Variants in MAX observed in about 807,000 individuals in gnomAD.
MAX encodes the protein protein max.
A neutral mutation model predicts 22.3 loss-of-function variants in MAX; 3 were observed. That is an observed-to-expected ratio of 0.13 (90% CI 0.06 to 0.35). The LOEUF is 0.35. Ranked by LOEUF, MAX falls within the 10% of genes least tolerant of loss-of-function variation. MAX has a pLI of 1.00. For synonymous variants in MAX, 72 were observed against 77.7 expected (o/e 0.93, Z 0.39); for missense variants, 119 against 209.4 (o/e 0.57, Z 2.66).
intron 3 of MAX, among the ~76,000 whole-genome samples, chr14:65,057,576 A>G (rs1252794359): frequency 6.6e-6 from 1 of 152,234 alleles, no homozygotes; most frequent in Non-Finnish European, 1.5e-5. Flanking sequence ...AGACAAAAGG[A>G]GGCACACATT....
rs2062856904 is a variant in MAX at position 65,061,101 on chromosome 14, G to A, written c.171+32607C>T. 16 of 1,564,068 alleles carry A rather than the reference G, an allele frequency of 1.0e-5. No homozygotes were observed. In the Admixed American group the frequency reaches 3.0e-4, roughly 29 times the overall value. On this transcript the variant is annotated intron_variant, in intron 3 of 3. Transcript: ENST00000341653. ...TTCCTTATACTAAATTCTTAGAAGT[G>A]CCTTTCATGGAGCAAAGGATGTGTT... is the stretch of plus-strand genomic sequence containing the variant.
At chr14:65,057,144 C>A (rs1209595799) in intron 3 of MAX, among the ~76,000 whole-genome samples, 1 of 152,230 alleles carries the variant, frequency 6.6e-6, no homozygotes, top group Non-Finnish European at 1.5e-5. Flanking sequence ...CAAACCCAAA[C>A]ACATTCCACA....
chr14:65,038,865 CCCTGACTACTTTTACTT>C (rs2062277315), intron 3 of MAX, among the ~76,000 whole-genome samples: 1 of 152,144 alleles, frequency 6.6e-6, no homozygotes, highest in African/African-American at 2.4e-5. Flanking sequence ...TAGTTTTCCT[CCCTGACTACTTTTACTT>C]CCTGACTACT....
At chr14:65,035,571 A>G (rs1339543593) in intron 3 of MAX, among the ~76,000 whole-genome samples, 2 of 151,784 alleles carry the variant, frequency 1.3e-5, no homozygotes, top group African/African-American at 4.8e-5. Flanking sequence ...GCTCTGTTGC[A>G]CGAGCTGGAG....
rs140769221 is a variant in MAX at position 65,031,922 on chromosome 14, A to G, written c.172-25638T>C. Among the ~76,000 whole-genome samples, 8 of 152,172 alleles carry G rather than the reference A, an allele frequency of 5.3e-5. No homozygotes were observed. The highest frequency in any genetic ancestry group is 1.7e-4 in the African/African-American group (7 of 41,538). Reference sequence around the variant, plus strand: ...GGCGACAGAGTGAGACCCTGTCTCAATAAAAACCAAAACAAAAGCAAAACA... The same window carrying G: ...GGCGACAGAGTGAGACCCTGTCTCAGTAAAAACCAAAACAAAAGCAAAACA... On this transcript the variant is annotated intron_variant, in intron 3 of 3. Transcript: ENST00000341653. This position sits in a 1 kb window ranked among gnomAD's most constrained non-coding sequence, Gnocchi z 4.6.
chr14:65,076,966 C>T lies in MAX; in HGVS notation c.296-303G>A. 1.8e-6 allele frequency: 1 copy of T among 557,198 alleles called. No homozygotes were observed. Among genetic ancestry groups the T allele is most frequent in the Non-Finnish European group, 3.2e-6 (1 of 311,434 alleles). The allele number at this position is 557,198 out of a possible 1,614,324, so 34.5% of individuals were successfully genotyped here. A position where few individuals can be genotyped will look rare whatever the true frequency, so the allele number is the denominator to read the frequency against. ...CGTGGAGAGACTGGAGCGTGAGCTC[C>T]CTGTGGGATTCAGCAGTGCAATAAC... On this transcript the variant is annotated intron_variant, in intron 4 of 4. Coordinates refer to ENST00000358664, the MANE Select transcript of MAX (RefSeq NM_002382.5). This position sits in a 1 kb window ranked among gnomAD's most constrained non-coding sequence, Gnocchi z 6.6.
rs1347560974 is a variant in MAX at position 65,012,137 on chromosome 14, G to T, written c.172-5853C>A. On this transcript the variant is annotated intron_variant, in intron 3 of 3. Coordinates refer to the MAX transcript ENST00000341653. This position sits in a 1 kb window ranked among gnomAD's most constrained non-coding sequence, Gnocchi z 5.0. ...ATGCTTTAGAGACATTCAGACAAGA[G>T]CTTCTTTTCTCTGGTTTAGTTGCTC... The T allele has an allele frequency of 3.2e-6, 2 of 631,466 alleles. No individual in the cohort carries two copies. Among genetic ancestry groups the T allele is most frequent in the South Asian group, 2.0e-5 (1 of 51,088 alleles). The allele number at this position is 631,466 out of a possible 1,614,324, so 39.1% of individuals were successfully genotyped here.
Position 65,102,437 on chromosome 14 carries a change from C to G in MAX, c.-98G>C. 6.4e-7 allele frequency: 1 copy of G among 1,551,840 alleles called. No individual in the cohort carries two copies. The highest frequency in any genetic ancestry group is 8.7e-7 in the Non-Finnish European group (1 of 1,150,680). On this transcript the variant is annotated 5_prime_UTR_variant, in exon 1 of 5. Coordinates refer to ENST00000358664, the MANE Select transcript of MAX (RefSeq NM_002382.5). ...CCGACAACAACAAGCCGAGTCCCCC[C>G]CACACACACACTCACTCACTCACTC...
At chr14:65,091,663 T>G (rs1248257760) in intron 3 of MAX, among the ~76,000 whole-genome samples, 1 of 152,228 alleles carries the variant, frequency 6.6e-6, no homozygotes, top group Non-Finnish European at 1.5e-5. Flanking sequence ...ACCAGACAGA[T>G]GCACTACTCT....
chr14:65,065,119 G>A (rs544432485), intron 3 of MAX, among the ~76,000 whole-genome samples: 11 of 136,332 alleles, frequency 8.1e-5, no homozygotes, highest in African/African-American at 3.5e-4. Flanking sequence ...AGAGAGAGAC[G>A]TCGTGGACAC....
chr14:65,032,788 A>G lies in MAX; in HGVS notation c.172-26504T>C. 8.1e-7 allele frequency: 1 copy of G among 1,240,866 alleles called. No homozygotes were observed. Among genetic ancestry groups the G allele is most frequent in the Non-Finnish European group, 1.1e-6 (1 of 906,648 alleles). 76.9% of individuals were successfully genotyped at this position (1,240,866 alleles called of 1,614,324 possible). A position where few individuals can be genotyped will look rare whatever the true frequency, so the allele number is the denominator to read the frequency against. On this transcript the variant is annotated intron_variant, in intron 3 of 3. Transcript: ENST00000341653. The surrounding 1 kb of genome is among the most constrained non-coding windows in gnomAD (Gnocchi z 5.0). ...ATAAAGAAAATGCAGAGGGACTTGG[A>G]AGGAAATACAAAAATCACAGGAGAT...
At chr14:65,092,659 G>T (rs1007690157) in intron 3 of MAX, among the ~76,000 whole-genome samples, 3 of 152,084 alleles carry the variant, frequency 2.0e-5, no homozygotes, top group Non-Finnish European at 4.4e-5. Context: ...CTTTATAAAG[G>T]TCAGAACTTC....
At chr14:65,042,023 G>T (rs1407012924) in intron 3 of MAX, among the ~76,000 whole-genome samples, 2 of 152,072 alleles carry the variant, frequency 1.3e-5, no homozygotes, top group African/African-American at 4.8e-5. Flanking sequence ...ATAAGGTAGG[G>T]ATAACAATCC....
At chr14:65,095,828 C>A (rs1397908602) in intron 2 of MAX, among the ~76,000 whole-genome samples, 13 of 152,192 alleles carry the variant, frequency 8.5e-5, no homozygotes, top group Admixed American at 7.2e-4. Flanking sequence ...AAATAAAATT[C>A]TAATTGTCTG....
chr14:65,091,381 T>C (rs1182835962), intron 3 of MAX, among the ~76,000 whole-genome samples: 1 of 152,328 alleles, frequency 6.6e-6, no homozygotes, highest in East Asian at 1.9e-4. Flanking sequence ...ATATTTGGAT[T>C]ATAACACAGG....
upstream of MAX, chr14:65,102,546 G>A (rs892933978): frequency 6.9e-7 from 1 of 1,446,288 alleles, no homozygotes; most frequent in Non-Finnish European, 9.1e-7. Context: ...CGGCACGCAC[G>A]CCCGGTCGGC....
At position 65,078,327 on chromosome 14, in the gene MAX, G is replaced by A. The variant is rs1273432152; in HGVS notation, c.172-291C>T. Reference sequence around the variant, plus strand: ...AGTGATTCTCCTGCCTCAGCCTCCTGAGTAGCTAGGATTATAGGTGTGCGC... The same window carrying A: ...AGTGATTCTCCTGCCTCAGCCTCCTAAGTAGCTAGGATTATAGGTGTGCGC... On this transcript the variant is annotated intron_variant, in intron 3 of 4. Transcript: ENST00000358664. This position sits in a 1 kb window ranked among gnomAD's most constrained non-coding sequence, Gnocchi z 6.4. Among the ~76,000 whole-genome samples, 1 of 151,994 alleles carries A rather than the reference G, an allele frequency of 6.6e-6. No individual in the cohort carries two copies. The highest frequency in any genetic ancestry group is 2.4e-5 in the African/African-American group (1 of 41,350).
intron 3 of MAX, among the ~76,000 whole-genome samples, chr14:65,043,649 C>T (rs1052293059): frequency 2.0e-5 from 3 of 151,250 alleles, no homozygotes; most frequent in Non-Finnish European, 2.9e-5. Context: ...GGTGAAACCC[C>T]GTCTCTACTA....
chr14:65,090,032 T>A (rs1260228713), intron 3 of MAX: 1 of 152,214 alleles, frequency 6.6e-6, no homozygotes, highest in Non-Finnish European at 1.5e-5. Flanking sequence ...AATGGTCTAT[T>A]TTCTTGAGCT....
Sources: allele counts gnomAD v4.1 joint callset (sites outside exome capture counted in the v4.1 genomes callset), GRCh38; gene constraint gnomAD v4.1.1; non-coding constraint Gnocchi (gnomAD v3.1); transcripts MANE v1.5; gene names NCBI Gene and HGNC (gene_info 2026-07-23, HGNC 2026-07-21).